The following COL6A1 variants were observed in gnomAD, a reference collection of about 807,000 sequenced individuals.
COL6A1 encodes collagen alpha-1(VI) chain.
Under a neutral mutation model 145.6 loss-of-function variants are expected in COL6A1, and 80 were observed. The observed-to-expected ratio is 0.55, with a 90% confidence interval of 0.46 to 0.66. COL6A1 has a LOEUF of 0.66. Ranked by LOEUF, COL6A1 falls within the 30% of genes least tolerant of loss-of-function variation. COL6A1 has a pLI of 0.00. For missense variants in COL6A1, 1,364 were observed against 1,473.8 expected (o/e 0.93, Z 1.22); for synonymous variants, 638 against 622.8 (o/e 1.02, Z -0.36).
chr21:45,989,503 C>G, intron 9 of COL6A1, 105 bp from the exon 10 acceptor site: 2 of 1,209,134 alleles, frequency 1.7e-6, no homozygotes, highest in South Asian at 1.2e-5. Context: ...GCCCCTCTCT[C>G]GGCCTGACCA....
In COL6A1 at chr21:45,981,917, C is replaced by T; in HGVS notation, c.67C>T (p.Pro23Ser). 6.2e-7 allele frequency: 1 copy of T among 1,607,392 alleles called. No individual in the cohort carries two copies. Among genetic ancestry groups the T allele is most frequent in the Non-Finnish European group, 8.5e-7 (1 of 1,178,208 alleles). The part of the protein sequence containing the change: ...QACWTAAQDE[P>S]ETPRAVAFQD... Reference sequence around the variant, plus strand: ...CTGCTGGACAGCCGCGCAGGATGAGCCGGAGACCCCGAGGGCCGTGGCCTT... The same window carrying T: ...CTGCTGGACAGCCGCGCAGGATGAGTCGGAGACCCCGAGGGCCGTGGCCTT... Residue 23 changes from proline to serine, a missense_variant, in exon 1 of 35, where the codon CCG (proline) becomes TCG (serine). Transcript: ENST00000361866.
intron 16 of COL6A1, 33 bp from the exon 17 acceptor site, chr21:45,992,131 A>T: frequency 6.2e-7 from 1 of 1,613,568 alleles, no homozygotes; most frequent in Non-Finnish European, 8.5e-7. Context: ...GGTCAAGGAG[A>T]TGGAGCGACC....
intron 11 of COL6A1, 21 bp downstream of exon 11, chr21:45,989,799 G>T: frequency 6.2e-7 from 1 of 1,612,770 alleles, no homozygotes. Context: ...CTCGACCTCG[G>T]AGCTGGTCTC....
intron 29 of COL6A1, 51 bp from the exon 30 acceptor site, chr21:46,001,202 A>C: frequency 6.3e-7 from 1 of 1,586,282 alleles, no homozygotes; most frequent in South Asian, 1.1e-5. Context: ...GGGAGGGGCC[A>C]GGGCACTGGA....
chr21:46,002,083 C>A lies in COL6A1; in HGVS notation c.2066+13C>A. 6.2e-7 allele frequency: 1 copy of A among 1,605,332 alleles called. No homozygotes were observed. The highest frequency in any genetic ancestry group is 8.5e-7 in the Non-Finnish European group (1 of 1,177,076). ...AGGAGCTCAAGGAGTGAGTGCCCCA[C>A]GCGGCCAGGACCCTCCCACCCCTCG... is the stretch of plus-strand genomic sequence containing the variant. On this transcript the variant is annotated intron_variant, in intron 31 of 34. Transcript: ENST00000361866.
chr21:45,984,659 AACAGGGAGAAACAGAC>A (rs2077727267), intron 3 of COL6A1, among the ~76,000 whole-genome samples, 190 bp downstream of exon 3: 1 of 151,994 alleles, frequency 6.6e-6, no homozygotes, highest in African/African-American at 2.4e-5. Context: ...GAGAAACAGA[AACAGGGAGAAACAGAC>A]ACAGAGAGAG....
chr21:45,982,097 G>A, intron 1 of COL6A1, 150 bp downstream of exon 1: 2 of 692,422 alleles, frequency 2.9e-6, no homozygotes, highest in South Asian at 1.8e-5. Flanking sequence ...CGGCTGCAGC[G>A]CCCAGCTCTG....
At chr21:45,982,806 C>T (rs1395110642) in intron 2 of COL6A1, 43 bp downstream of exon 2, 2 of 1,606,210 alleles carry the variant, frequency 1.2e-6, no homozygotes, top group African/African-American at 2.7e-5. Context: ...GCTTCTGGGC[C>T]TCTTGGAGGG....
At chr21:45,999,458 T>C in intron 26 of COL6A1, 199 bp from the exon 27 acceptor site, 1 of 743,984 alleles carries the variant, frequency 1.3e-6, no homozygotes, top group Non-Finnish European at 2.3e-6. Context: ...CCACCTGGGA[T>C]GGCCGCCTGG....
rs1416318972 is a variant in COL6A1, at chr21:46,004,536, T to C, written c.*523T>C. ...TTTCCCACCAATCCTCACCTAACAG[T>C]TACTTTACAATTAAACTCAAAGCAA... On this transcript the variant is annotated 3_prime_UTR_variant, in exon 35 of 35. Transcript: ENST00000361866. 1.3e-5 allele frequency: 4 copies of C among 316,290 alleles called. No individual in the cohort carries two copies. The highest frequency in any genetic ancestry group is 4.1e-4 in the Middle Eastern group (1 of 2,468). 19.6% of individuals were successfully genotyped at this position (316,290 alleles called of 1,614,324 possible). A position where few individuals can be genotyped will look rare whatever the true frequency, so the allele number is the denominator to read the frequency against.
At chr21:45,999,780 A>T in intron 27 of COL6A1, 88 bp downstream of exon 27, 113 of 883,666 alleles carry the variant, frequency 1.3e-4, no homozygotes, top group Non-Finnish European at 1.7e-4. Context: ...GTGCTCCTGT[A>T]GACGCTGCTC....
At chr21:46,000,274 A>C (rs1000332415) in intron 27 of COL6A1, 57 bp from the exon 28 acceptor site, 1 of 1,606,686 alleles carries the variant, frequency 6.2e-7, no homozygotes, top group African/African-American at 1.3e-5. Context: ...AGCAGCCCAC[A>C]GTCCCCGCTG....
intron 32 of COL6A1, 57 bp downstream of exon 32, chr21:46,002,458 G>A: frequency 2.5e-6 from 4 of 1,613,388 alleles, no homozygotes. Context: ...CGCCAGCCAG[G>A]GTGGCCTTGT....
At chr21:45,987,744 A>G in intron 8 of COL6A1, 90 bp downstream of exon 8, 1 of 1,407,412 alleles carries the variant, frequency 7.1e-7, no homozygotes, top group South Asian at 1.3e-5. Context: ...CAAGTCCACC[A>G]TGAGGATCCA....
At chr21:45,996,093 C>T (rs1013541159) in intron 20 of COL6A1, among the ~76,000 whole-genome samples, 1 of 152,254 alleles carries the variant, frequency 6.6e-6, no homozygotes, top group African/African-American at 2.4e-5. Flanking sequence ...TCTGCAGAAA[C>T]TGCCCAGTCT....
At position 45,986,593 on chromosome 21, in the gene COL6A1, A is replaced by G. The variant is rs1277365209; in HGVS notation, c.496A>G (p.Lys166Glu). The G allele has an allele frequency of 6.4e-7, 1 of 1,562,658 alleles. No homozygotes were observed. The highest frequency in any genetic ancestry group is 8.7e-7 in the Non-Finnish European group (1 of 1,153,706). Reference protein sequence around the residue: ...VTDGHPLEGYKEPCGGLEDAV... With the variant: ...VTDGHPLEGYEEPCGGLEDAV... ...CGACGGGCACCCCCTGGAGGGCTAC[A>G]AGGAACCCTGTGGGGGGCTGGAGGA... Residue 166 changes from lysine to glutamate, a missense_variant, in exon 4 of 35, where the codon AAG becomes GAG. Lys to Glu is a moderately conservative substitution (Grantham distance 56, BLOSUM62 1). Around this residue, in one of 3 missense-constraint regions of COL6A1, gnomAD observed 414 missense variants for 437.6 expected, o/e 0.95. Transcript: ENST00000361866.
At position 45,998,449 on chromosome 21, in the gene COL6A1, C is replaced by T. The variant is rs1460091885; in HGVS notation, c.1611+16C>T. On this transcript the variant is annotated intron_variant, in intron 24 of 34. Coordinates refer to ENST00000361866, the MANE Select transcript of COL6A1 (RefSeq NM_001848.3). ...CGGGATAAACGTGAGTACGCCCCCTCCTCCATCTGGCTGTGGGCACACAAA... is the reference window on the plus strand; with the variant it reads ...CGGGATAAACGTGAGTACGCCCCCTTCTCCATCTGGCTGTGGGCACACAAA... The T allele has an allele frequency of 2.5e-6, 4 of 1,613,250 alleles. No individual in the cohort carries two copies. The highest frequency in any genetic ancestry group is 2.2e-5 in the East Asian group (1 of 44,884).
chr21:46,000,933 C>T (rs1018771998), intron 29 of COL6A1, 166 bp downstream of exon 29: 12 of 922,524 alleles, frequency 1.3e-5, no homozygotes, highest in Admixed American at 5.6e-5. Flanking sequence ...GCAGGGTTCC[C>T]GGGTGTTGGG....
rs2123467721 is a variant in COL6A1, at chr21:45,987,603, C to T, written c.760-7C>T. 6.2e-7 allele frequency: 1 copy of T among 1,612,364 alleles called. No individual in the cohort carries two copies. Among genetic ancestry groups the T allele is most frequent in the African/African-American group, 1.3e-5 (1 of 75,066 alleles). On this transcript the variant is annotated splice_region_variant and splice_polypyrimidine_tract_variant and intron_variant, in intron 7 of 34. Coordinates refer to ENST00000361866, the MANE Select transcript of COL6A1 (RefSeq NM_001848.3). ...GGTCCTGGCTGACCGTCCCCTCTGC[C>T]TTGCAGCCTGCAAGAGGACCTCCGG...
Sources: allele counts gnomAD v4.1 joint callset (sites outside exome capture counted in the v4.1 genomes callset), GRCh38; gene constraint gnomAD v4.1.1; regional missense constraint gnomAD v4.1.1; transcripts MANE v1.5; gene names NCBI Gene and HGNC (gene_info 2026-07-23, HGNC 2026-07-21).